The following IGFL4 variants were observed in gnomAD, a reference collection of about 807,000 sequenced individuals.
IGFL4 encodes IGF like family member 4.
In IGFL4, 12 loss-of-function variants were observed where a neutral mutation model predicts 15.4. The observed-to-expected ratio is 0.78, with a 90% CI of 0.50 to 1.26. The LOEUF is 1.26. IGFL4 is among the 50% of genes most tolerant of loss of function. The pLI is 0.00. For missense variants in IGFL4, 126 were observed against 147.8 expected (o/e 0.85, Z 0.76); for synonymous variants, 54 against 55.9 (o/e 0.97, Z 0.16).
rs758683350 is a variant in IGFL4, at chr19:46,039,916, A to G, written c.351T>C (p.Pro117=). The G allele has an allele frequency of 6.2e-7, 1 of 1,613,398 alleles. No homozygotes were observed. Among genetic ancestry groups the G allele is most frequent in the Admixed American group, 1.7e-5 (1 of 60,018 alleles). Residue 117 remains proline, a synonymous_variant, in exon 4 of 4, where the codon CCT becomes CCC. Transcript: ENST00000377697. ...TCTAGATGAGGTCAGATCTTGACAC[A>G]GGGCTTTTTGGGTGGTATTCCTGCA... ...ICAQEYHPKS[P]VSRSDLI
Position 46,040,744 on chromosome 19 carries a change from G to T in IGFL4, c.20-176C>A. ...CTTGGCAGGTGAGGAAAGGCAGGGA[G>T]GGCTCTGGGAAAAGTTAAGCTTCTG... On this transcript the variant is annotated intron_variant, in intron 1 of 3. Transcript: ENST00000377697. This position sits in a 1 kb window ranked among gnomAD's most constrained non-coding sequence, Gnocchi z 4.1. The T allele has an allele frequency of 1.1e-6, 1 of 938,786 alleles. No individual in the cohort carries two copies. Among genetic ancestry groups the T allele is most frequent in the East Asian group, 2.6e-5 (1 of 38,112 alleles). The allele number at this position is 938,786 out of a possible 1,614,324, so 58.2% of individuals were successfully genotyped here. A position where few individuals can be genotyped will look rare whatever the true frequency, so the allele number is the denominator to read the frequency against.
chr19:46,045,933 TAAG>T (rs890700028), upstream of IGFL4, among the ~76,000 whole-genome samples: 1 of 152,046 alleles, frequency 6.6e-6, no homozygotes, highest in Non-Finnish European at 1.5e-5. Flanking sequence ...AGATACTCCA[TAAG>T]AAGATTTACC....
chr19:46,064,844 T>C (rs1018975294), intron 1 of IGFL4, among the ~76,000 whole-genome samples: 1 of 152,220 alleles, frequency 6.6e-6, no homozygotes, highest in African/African-American at 2.4e-5. Flanking sequence ...GCTCTATTTT[T>C]AGTTTTTTGA....
chr19:46,065,677 A>G (rs551838766), intron 1 of IGFL4, among the ~76,000 whole-genome samples: 7 of 152,368 alleles, frequency 4.6e-5, no homozygotes, highest in African/African-American at 1.4e-4. Context: ...AAGCCTTTCC[A>G]AGAAAGAATG....
At chr19:46,065,678 A>G (rs1271130127) in intron 1 of IGFL4, among the ~76,000 whole-genome samples, 1 of 152,242 alleles carries the variant, frequency 6.6e-6, no homozygotes, top group African/African-American at 2.4e-5. Flanking sequence ...AGCCTTTCCA[A>G]GAAAGAATGA....
chr19:46,067,138 C>T (rs1969502759), intron 1 of IGFL4, among the ~76,000 whole-genome samples: 1 of 152,184 alleles, frequency 6.6e-6, no homozygotes, highest in Non-Finnish European at 1.5e-5. Context: ...CATCCACTCT[C>T]CTTGTGCCTG....
At chr19:46,057,373 G>C (rs1305397988) in intron 2 of IGFL4, among the ~76,000 whole-genome samples, 3 of 152,006 alleles carry the variant, frequency 2.0e-5, no homozygotes, top group Non-Finnish European at 2.9e-5. Context: ...TTTATAACTG[G>C]ATTTGAGTTG....
chr19:46,069,805 A>G (rs564397471), intron 1 of IGFL4, among the ~76,000 whole-genome samples: 1 of 152,328 alleles, frequency 6.6e-6, no homozygotes, highest in East Asian at 1.9e-4. Flanking sequence ...ACAGCAATAG[A>G]TGTGAAAATT....
At chr19:46,048,200 T>C (rs4613173) in intron 2 of IGFL4, among the ~76,000 whole-genome samples, 130,714 of 152,178 alleles carry the variant, frequency 0.86, 56,500 homozygotes, top group African/African-American at 0.92. Context: ...CAGAAAAGGC[T>C]TTTGATAAAA....
chr19:46,069,931 T>C (rs943406719), intron 1 of IGFL4, among the ~76,000 whole-genome samples: 1 of 152,160 alleles, frequency 6.6e-6, no homozygotes, highest in African/African-American at 2.4e-5. Context: ...GTTTTAAGAA[T>C]TGAAACATAT....
At chr19:46,051,873 A>C (rs1443013365) in intron 2 of IGFL4, among the ~76,000 whole-genome samples, 1 of 152,242 alleles carries the variant, frequency 6.6e-6, no homozygotes, top group Admixed American at 6.5e-5. Context: ...AAGCCACAGC[A>C]GTTAAAAAAG....
rs186178646 is a variant in IGFL4 at position 46,069,848 on chromosome 19, T to C, written c.-432+7172A>G. ...AAATTGTGTAAGATGCTCTGAGCCA[T>C]ATGCATAGGGAAAAATCTAAACAAT... On this transcript the variant is annotated intron_variant, in intron 1 of 5. Transcript: ENST00000601672. Among the ~76,000 whole-genome samples the C allele has an allele frequency of 6.6e-4, 101 of 152,338 alleles. 2 individuals carry two copies. Among genetic ancestry groups the C allele is most frequent in the African/African-American group, 2.4e-3 (99 of 41,568 alleles).
intron 1 of IGFL4, among the ~76,000 whole-genome samples, chr19:46,073,412 G>A (rs1969564796): frequency 1.3e-5 from 2 of 152,086 alleles, no homozygotes; most frequent in Admixed American, 1.3e-4. Flanking sequence ...TTTCTAGCCT[G>A]GGGTATAATG....
intron 2 of IGFL4, among the ~76,000 whole-genome samples, chr19:46,053,033 C>T (rs1969362024): frequency 2.0e-5 from 3 of 150,088 alleles, no homozygotes; most frequent in South Asian, 2.1e-4. Context: ...AACATGCCAA[C>T]GGAGGCCCAT....
chr19:46,055,397 C>T (rs146987600), intron 2 of IGFL4, among the ~76,000 whole-genome samples: 5 of 152,142 alleles, frequency 3.3e-5, no homozygotes, highest in Admixed American at 6.5e-5. Flanking sequence ...TCTTCAGTAA[C>T]GTGTTTTCTT....
At chr19:46,068,432 G>A (rs188463559) in intron 1 of IGFL4, among the ~76,000 whole-genome samples, 183 of 152,260 alleles carry the variant, frequency 1.2e-3, no homozygotes, top group African/African-American at 4.1e-3. Context: ...AATTGTGTGC[G>A]GAATTGAAAA....
chr19:46,042,857 C>T (rs1316352804), upstream of IGFL4, among the ~76,000 whole-genome samples: 2 of 152,230 alleles, frequency 1.3e-5, no homozygotes, highest in African/African-American at 2.4e-5. Context: ...TCATGGCGGC[C>T]TCCCTTATCC....
upstream of IGFL4, among the ~76,000 whole-genome samples, chr19:46,042,392 T>C: frequency 6.6e-6 from 1 of 152,250 alleles, no homozygotes; most frequent in Middle Eastern, 3.4e-3. Flanking sequence ...TCAAGTTAAG[T>C]AGTGTGAATA....
chr19:46,048,468 G>A (rs1417905651), intron 2 of IGFL4, among the ~76,000 whole-genome samples: 2 of 152,138 alleles, frequency 1.3e-5, no homozygotes, highest in African/African-American at 2.4e-5. Flanking sequence ...TAGGAAGAGA[G>A]GAAGTCAAAT....
Sources: allele counts gnomAD v4.1 joint callset (sites outside exome capture counted in the v4.1 genomes callset), GRCh38; gene constraint gnomAD v4.1.1; non-coding constraint Gnocchi (gnomAD v3.1); transcripts MANE v1.5; gene names NCBI Gene and HGNC (gene_info 2026-07-23, HGNC 2026-07-21).